PPP2R2B: variants seen among roughly 807,000 people sequenced by gnomAD.
The protein encoded by PPP2R2B is protein phosphatase 2 regulatory subunit Bbeta, also known as serine/threonine-protein phosphatase 2A 55 kDa regulatory subunit B beta isoform.
A neutral mutation model predicts 46.0 loss-of-function variants in PPP2R2B; 5 were observed. The observed-to-expected ratio is 0.11, with a 90% confidence interval of 0.06 to 0.23. PPP2R2B has a LOEUF of 0.23. Ranked by LOEUF, PPP2R2B falls within the 10% of genes least tolerant of loss-of-function variation. The pLI is 1.00. For missense variants in PPP2R2B, 367 were observed against 575.0 expected (o/e 0.64, Z 3.70); for synonymous variants, 215 against 206.7 (o/e 1.04, Z -0.34).
chr5:146,801,317 A>G (rs1756852590), intron 2 of PPP2R2B, among the ~76,000 whole-genome samples: 1 of 152,232 alleles, frequency 6.6e-6, no homozygotes. Context: ...AAGGGCAGAT[A>G]TTAAGTGTTC....
intron 1 of PPP2R2B, among the ~76,000 whole-genome samples, chr5:146,995,869 C>G (rs1011634701): frequency 3.9e-5 from 6 of 152,174 alleles, no homozygotes; most frequent in African/African-American, 1.4e-4. Context: ...TAATTTATTA[C>G]TGTTGGGTGT....
chr5:146,885,845 T>A (rs1228342393), intron 1 of PPP2R2B, among the ~76,000 whole-genome samples: 2 of 152,124 alleles, frequency 1.3e-5, no homozygotes, highest in Non-Finnish European at 2.9e-5. Flanking sequence ...CTTGAAAACA[T>A]TATGCTAAAT....
At chr5:146,664,073 C>A (rs1451269573) in intron 5 of PPP2R2B, among the ~76,000 whole-genome samples, 1 of 152,052 alleles carries the variant, frequency 6.6e-6, no homozygotes, top group Non-Finnish European at 1.5e-5. Context: ...AACTCCTGAA[C>A]TTGTGATCCA....
chr5:146,659,403 TAG>T (rs1776546576), intron 5 of PPP2R2B, among the ~76,000 whole-genome samples: 1 of 152,208 alleles, frequency 6.6e-6, no homozygotes, highest in Admixed American at 6.5e-5. Flanking sequence ...AGAGGGTTTT[TAG>T]AGTTATGTGG....
Position 146,686,318 on chromosome 5 carries a change from C to G in PPP2R2B, c.447+4810G>C, listed in dbSNP as rs568205876. Reference sequence around the variant, plus strand: ...AGAAAATGCTAGACAGTGACAAGAGCTAAGCAAAAAAGGGCAGAGAGAATG... The same window carrying G: ...AGAAAATGCTAGACAGTGACAAGAGGTAAGCAAAAAAGGGCAGAGAGAATG... On this transcript the variant is annotated intron_variant, in intron 5 of 9. Transcript: ENST00000394411. 2.0e-5 allele frequency among the ~76,000 whole-genome samples: 3 copies of G among 152,084 alleles called. No individual in the cohort carries two copies. The East Asian group carries it at 5.8e-4, about 29-fold the overall frequency.
intron 1 of PPP2R2B, among the ~76,000 whole-genome samples, chr5:146,957,301 A>C (rs558664035): frequency 6.6e-6 from 1 of 152,240 alleles, no homozygotes; most frequent in Non-Finnish European, 1.5e-5. Flanking sequence ...CTACATTTGC[A>C]TAAGCATCCC....
rs77412822 is a variant in PPP2R2B at position 146,793,105 on chromosome 5, G to C, written c.70+84897C>G. ...ATGAAAAAAGATTAGATTCTGGGTA[G>C]ATTTTAAAAATAGAGCCAATATGAT... is the stretch of plus-strand genomic sequence containing the variant. On this transcript the variant is annotated intron_variant, in intron 2 of 9. Transcript: ENST00000394411. Among the ~76,000 whole-genome samples the C allele has an allele frequency of 4.6e-5, 7 of 152,306 alleles. No homozygotes were observed. The East Asian group carries it at 1.4e-3, about 29-fold the overall frequency.
intron 2 of PPP2R2B, among the ~76,000 whole-genome samples, chr5:146,769,598 A>G (rs1469361376): frequency 6.6e-6 from 1 of 152,226 alleles, no homozygotes; most frequent in African/African-American, 2.4e-5. Flanking sequence ...GACACGGAAC[A>G]TATCTTGGAA....
chr5:147,011,146 C>A (rs886232784), intron 1 of PPP2R2B, among the ~76,000 whole-genome samples: 1 of 152,136 alleles, frequency 6.6e-6, no homozygotes, highest in Non-Finnish European at 1.5e-5. Flanking sequence ...ATGTCACAGG[C>A]ACACTCATGG....
At chr5:146,668,558 T>C (rs1777147598) in intron 5 of PPP2R2B, among the ~76,000 whole-genome samples, 1 of 152,206 alleles carries the variant, frequency 6.6e-6, no homozygotes, top group South Asian at 2.1e-4. Flanking sequence ...ATTACGTAAT[T>C]ACTTCTTCTG....
At chr5:146,856,621 G>GGTA (rs779925014) in intron 2 of PPP2R2B, 2 of 1,448,220 alleles carry the variant, frequency 1.4e-6, no homozygotes, top group African/African-American at 2.8e-5. Flanking sequence ...GACTCCAGGA[G>GGTA]GTAGTGATGC....
At chr5:146,727,642 A>G (rs1017159439) in intron 2 of PPP2R2B, among the ~76,000 whole-genome samples, 9 of 152,146 alleles carry the variant, frequency 5.9e-5, no homozygotes, top group Non-Finnish European at 1.3e-4. Flanking sequence ...CATGGAACAC[A>G]ACTGCACTTG....
In PPP2R2B at chr5:146,582,137, T is replaced by A. The variant is rs956406373; in HGVS notation, c.*7810A>T. On this transcript the variant is annotated 3_prime_UTR_variant, in exon 10 of 10. Coordinates refer to ENST00000394411, the MANE Select transcript of PPP2R2B (RefSeq NM_181675.4). ...CATCCCTGTCTTGCTGTATTAGGCA[T>A]GTGCTCAGCTCTGAAAGATTTCTTT... 31 of 152,360 alleles carry A rather than the reference T, an allele frequency of 2.0e-4. No homozygotes were observed. The highest frequency in any genetic ancestry group is 7.2e-4 in the African/African-American group (30 of 41,584). 9.4% of individuals were successfully genotyped at this position (152,360 alleles called of 1,614,324 possible).
At position 146,745,734 on chromosome 5, in the gene PPP2R2B, T is replaced by C. The variant is rs564551414; in HGVS notation, c.71-44592A>G. 2.0e-5 allele frequency among the ~76,000 whole-genome samples: 3 copies of C among 152,064 alleles called. No individual in the cohort carries two copies. The South Asian group carries it at 6.2e-4, about 32-fold the overall frequency. Reference sequence around the variant, plus strand: ...CAGCACTTTGGGAGGCCAAGGTGGGTGGATCACAAGGTCAGGAGATCAAGA... The same window carrying C: ...CAGCACTTTGGGAGGCCAAGGTGGGCGGATCACAAGGTCAGGAGATCAAGA... On this transcript the variant is annotated intron_variant, in intron 2 of 9. Transcript: ENST00000394411.
intron 2 of PPP2R2B, among the ~76,000 whole-genome samples, chr5:146,836,196 A>T (rs543993406): frequency 6.6e-6 from 1 of 152,284 alleles, no homozygotes; most frequent in South Asian, 2.1e-4. Flanking sequence ...AATTTATTAT[A>T]GTTGGTATGT....
At chr5:146,899,324 G>A (rs1762748139) in intron 1 of PPP2R2B, among the ~76,000 whole-genome samples, 3 of 148,418 alleles carry the variant, frequency 2.0e-5, no homozygotes, top group Admixed American at 2.0e-4. Context: ...GTCCTTTGTA[G>A]GGATGTGGAT....
chr5:146,754,603 T>C (rs1753736614), intron 2 of PPP2R2B, among the ~76,000 whole-genome samples: 1 of 152,218 alleles, frequency 6.6e-6, no homozygotes, highest in Non-Finnish European at 1.5e-5. Context: ...GGACAGAATA[T>C]GGCATAAATG....
chr5:146,707,664 T>C (rs1184018760), intron 2 of PPP2R2B: 3 of 563,140 alleles, frequency 5.3e-6, no homozygotes, highest in Admixed American at 3.0e-5. Context: ...GTGGAGAAGC[T>C]GCTTCTTGGT....
At chr5:146,728,444 T>A (rs1581966826) in intron 2 of PPP2R2B, among the ~76,000 whole-genome samples, 2 of 152,188 alleles carry the variant, frequency 1.3e-5, no homozygotes, top group South Asian at 2.1e-4. Flanking sequence ...TCAGAGATTA[T>A]GTTCTGTACA....
Sources: gnomAD v4.1 joint callset for allele counts (sites outside exome capture counted in the v4.1 genomes callset) on GRCh38, gnomAD v4.1.1 for gene constraint, MANE v1.5 for transcripts, NCBI Gene and HGNC (gene_info 2026-07-23, HGNC 2026-07-21) for gene names.